STK24: variants seen among roughly 807,000 people sequenced by gnomAD.
The protein encoded by STK24 is serine/threonine kinase 24, also known as serine/threonine-protein kinase 24.
A neutral mutation model predicts 55.6 loss-of-function variants in STK24; 21 were observed. The observed-to-expected ratio is 0.38, with a 90% CI of 0.27 to 0.54. The LOEUF (loss-of-function observed/expected upper bound fraction) is 0.54. STK24 is among the 20% of genes least tolerant of loss of function. The probability of loss-of-function intolerance (pLI) is 0.79; values close to 1 mark genes in which losing one functional copy is unlikely to be tolerated. For missense variants in STK24, 383 were observed against 538.4 expected (o/e 0.71, Z 2.86); for synonymous variants, 200 against 215.2 (o/e 0.93, Z 0.62).
intron 1 of STK24, among the ~76,000 whole-genome samples, chr13:98,564,432 G>A (rs1897513515): frequency 6.6e-6 from 1 of 152,216 alleles, no homozygotes; most frequent in Non-Finnish European, 1.5e-5. Flanking sequence ...ATCCTGCAGT[G>A]GCTGAGCATG....
intron 1 of STK24, among the ~76,000 whole-genome samples, chr13:98,542,433 TC>T (rs1328466141): frequency 6.6e-6 from 1 of 151,900 alleles, no homozygotes; most frequent in Non-Finnish European, 1.5e-5. Flanking sequence ...TCCAACTTCC[TC>T]CCAGCTCTGC....
chr13:98,480,873 A>G (rs1268440869), intron 3 of STK24, among the ~76,000 whole-genome samples: 2 of 152,232 alleles, frequency 1.3e-5, no homozygotes, highest in Admixed American at 6.5e-5. Flanking sequence ...TGTAAGCGTG[A>G]ACCACTGTAC....
rs1163710961 is a variant in STK24 at position 98,451,406 on chromosome 13, T to C, written c.*1767A>G. On this transcript the variant is annotated 3_prime_UTR_variant, in exon 11 of 11. Coordinates refer to ENST00000539966, the MANE Select transcript of STK24 (RefSeq NM_001032296.4). ...TTCTTGTATGGAGTAATGAGTACAA[T>C]AAGAATTAGCAACTCAGTTCTATTT... The C allele has an allele frequency of 6.6e-6, 1 of 152,172 alleles. No individual in the cohort carries two copies. Among genetic ancestry groups the C allele is most frequent in the Non-Finnish European group, 1.5e-5 (1 of 68,026 alleles). 9.4% of individuals were successfully genotyped at this position (152,172 alleles called of 1,614,324 possible).
rs1480552195 is a variant in STK24, at chr13:98,576,665, G to A, written c.42+80C>T. On this transcript the variant is annotated intron_variant, in intron 1 of 10. Transcript: ENST00000539966. ...CGCGACCCCGGCCGGCTGAGCGTAG[G>A]GGGACGCCGTGTGGATACCGCCAAG... 10 of 1,272,248 alleles carry A rather than the reference G, an allele frequency of 7.9e-6. No homozygotes were observed. The South Asian group carries it at 8.1e-5, about 10-fold the overall frequency. 78.8% of individuals were successfully genotyped at this position (1,272,248 alleles called of 1,614,324 possible). A position where few individuals can be genotyped will look rare whatever the true frequency, so the allele number is the denominator to read the frequency against.
chr13:98,524,148 G>C lies in STK24; in HGVS notation c.43-4675C>G, dbSNP rs376727795. On this transcript the variant is annotated intron_variant, in intron 1 of 10. Transcript: ENST00000539966. The stretch of plus-strand genomic sequence containing the variant: ...ATGGAAGAGCATCTCTTGCATGTGT[G>C]AGGGGCATGAACCCTGGGGACCGGA... Among the ~76,000 whole-genome samples, 209 of 152,228 alleles carry C rather than the reference G, an allele frequency of 1.4e-3. 4 individuals carry two copies. In the South Asian group the frequency reaches 0.015, roughly 11 times the overall value.
chr13:98,482,437 G>A, intron 2 of STK24, 116 bp from the exon 3 acceptor site: 1 of 593,034 alleles, frequency 1.7e-6, no homozygotes, highest in Non-Finnish European at 3.0e-6. Flanking sequence ...TTACAAACAT[G>A]TACCAGCACG....
At chr13:98,465,728 ACT>A (rs1399145154) in intron 6 of STK24, among the ~76,000 whole-genome samples, 5 of 152,304 alleles carry the variant, frequency 3.3e-5, no homozygotes, top group African/African-American at 1.2e-4. Flanking sequence ...CCTTCAGCTA[ACT>A]CTGCTGGAAA....
chr13:98,549,384 G>A (rs573747561), intron 1 of STK24, among the ~76,000 whole-genome samples: 14 of 152,212 alleles, frequency 9.2e-5, no homozygotes, highest in African/African-American at 2.9e-4. Flanking sequence ...AAGCTCCCTC[G>A]GACCTCTTTT....
At chr13:98,534,875 A>G (rs1317945569) in intron 1 of STK24, among the ~76,000 whole-genome samples, 3 of 152,208 alleles carry the variant, frequency 2.0e-5, no homozygotes, top group African/African-American at 7.2e-5. Flanking sequence ...TTGAGTAACA[A>G]TAAAACTCTG....
intron 2 of STK24, among the ~76,000 whole-genome samples, chr13:98,495,154 A>C (rs1895201691): frequency 2.0e-5 from 3 of 152,214 alleles, no homozygotes; most frequent in African/African-American, 7.2e-5. Flanking sequence ...CCTTATTTTG[A>C]AGCAGGTGTC....
intron 1 of STK24, among the ~76,000 whole-genome samples, chr13:98,544,115 GAGA>G (rs1896970068): frequency 6.6e-6 from 1 of 152,172 alleles, no homozygotes; most frequent in South Asian, 2.1e-4. Context: ...GAAGGAGAGT[GAGA>G]AGAAAAGTCC....
At chr13:98,532,260 C>T (rs759584146) in intron 1 of STK24, among the ~76,000 whole-genome samples, 1 of 152,122 alleles carries the variant, frequency 6.6e-6, no homozygotes, top group Non-Finnish European at 1.5e-5. Flanking sequence ...GGGGAGGAGG[C>T]ACCTCCCGGC....
At chr13:98,485,572 G>C (rs1163364085) in intron 2 of STK24, among the ~76,000 whole-genome samples, 1 of 152,202 alleles carries the variant, frequency 6.6e-6, no homozygotes, top group Non-Finnish European at 1.5e-5. Context: ...GCTAATGTTA[G>C]TCCTACAAAA....
At chr13:98,534,906 T>A (rs1218839380) in intron 1 of STK24, among the ~76,000 whole-genome samples, 1 of 152,230 alleles carries the variant, frequency 6.6e-6, no homozygotes, top group Non-Finnish European at 1.5e-5. Context: ...TAGCCAGCAC[T>A]ATGTGAATTA....
At chr13:98,536,783 T>C (rs1896748166) in intron 1 of STK24, among the ~76,000 whole-genome samples, 1 of 151,986 alleles carries the variant, frequency 6.6e-6, no homozygotes, top group Non-Finnish European at 1.5e-5. Flanking sequence ...CTTCCAAGCA[T>C]CACTCAACAG....
chr13:98,523,012 C>A (rs867382483), intron 1 of STK24, among the ~76,000 whole-genome samples: 2 of 152,186 alleles, frequency 1.3e-5, no homozygotes, highest in African/African-American at 4.8e-5. Flanking sequence ...CCTGGGTGAG[C>A]CTCACACTCC....
chr13:98,445,341 C>T lies in STK24; in HGVS notation c.*7832G>A, dbSNP rs1393978602. The T allele has an allele frequency of 2.6e-5, 4 of 152,260 alleles. No homozygotes were observed. Among genetic ancestry groups the T allele is most frequent in the South Asian group, 2.1e-4 (1 of 4,832 alleles). 9.4% of individuals were successfully genotyped at this position (152,260 alleles called of 1,614,324 possible). A position where few individuals can be genotyped will look rare whatever the true frequency, so the allele number is the denominator to read the frequency against. The stretch of plus-strand genomic sequence containing the variant: ...TGGTGATGTCACTTTGGCAAAGGGA[C>T]GAAATGAGCCACCAGTGCGTCAGGC... On this transcript the variant is annotated 3_prime_UTR_variant, in exon 11 of 11. Transcript: ENST00000539966.
At chr13:98,491,239 T>C (rs1381110424) in intron 2 of STK24, among the ~76,000 whole-genome samples, 1 of 152,166 alleles carries the variant, frequency 6.6e-6, no homozygotes, top group East Asian at 1.9e-4. Flanking sequence ...GACCCTAAAC[T>C]AATGTCCAAG....
intron 1 of STK24, among the ~76,000 whole-genome samples, chr13:98,571,939 G>C (rs1316989237): frequency 1.3e-5 from 2 of 152,186 alleles, no homozygotes; most frequent in African/African-American, 4.8e-5. Flanking sequence ...TGAGAAAGCA[G>C]GAGCCCCAAA....
Sources: allele counts gnomAD v4.1 joint callset (sites outside exome capture counted in the v4.1 genomes callset), GRCh38; gene constraint gnomAD v4.1.1; transcripts MANE v1.5; gene names NCBI Gene and HGNC (gene_info 2026-07-23, HGNC 2026-07-21).